Variants in OC90 observed in about 807,000 individuals in gnomAD.
OC90 encodes otoconin-90.
A neutral mutation model predicts 47.3 loss-of-function variants in OC90; 46 were observed. The observed-to-expected ratio is 0.97, with a 90% CI of 0.77 to 1.24. The LOEUF (loss-of-function observed/expected upper bound fraction) is 1.24, where lower values mean the gene tolerates loss of function less well. Among genes scored for constraint, OC90 ranks in the 50% most tolerant of loss-of-function variants. The pLI is 0.00. For missense variants in OC90, 688 were observed against 583.9 expected, an observed-to-expected ratio of 1.18 and a Z score of -1.84; for synonymous variants, 271 against 219.5, an observed-to-expected ratio of 1.23 and a Z score of -2.07.
At chr8:132,050,672 G>C (rs146704914) in intron 2 of OC90, among the ~76,000 whole-genome samples, 1,709 of 152,260 alleles carry the variant, frequency 0.011, 37 homozygotes, top group African/African-American at 0.04. Context: ...TGCCTGGCAA[G>C]ATGCTTCCAA....
At chr8:132,049,266 A>G (rs983972380) in intron 2 of OC90, among the ~76,000 whole-genome samples, 1 of 151,678 alleles carries the variant, frequency 6.6e-6, no homozygotes, top group Admixed American at 6.6e-5. Flanking sequence ...GTCTCCTACC[A>G]CTCCAGTACT....
At chr8:132,038,752 C>T (rs1297532689) in intron 8 of OC90, 38 bp downstream of exon 8, 1 of 1,577,642 alleles carries the variant, frequency 6.3e-7, no homozygotes, top group Admixed American at 1.7e-5. Context: ...CATCTGGGCC[C>T]TTGTGGTTCA....
At chr8:132,025,028 G>T (rs944815771) in intron 13 of OC90, among the ~76,000 whole-genome samples, 2 of 152,254 alleles carry the variant, frequency 1.3e-5, no homozygotes, top group South Asian at 2.1e-4. Flanking sequence ...CCTCCAGAAA[G>T]TTTGCCTGAG....
At chr8:132,032,511 T>C (rs1386345056) in intron 11 of OC90, among the ~76,000 whole-genome samples, 1 of 152,152 alleles carries the variant, frequency 6.6e-6, no homozygotes, top group African/African-American at 2.4e-5. Flanking sequence ...TCTATTTCTC[T>C]TCCTTCTATC....
chr8:132,043,402 G>T (rs145397865), intron 4 of OC90, among the ~76,000 whole-genome samples: 1 of 152,314 alleles, frequency 6.6e-6, no homozygotes, highest in East Asian at 1.9e-4. Context: ...CATGCCTAAG[G>T]CATCAACCAG....
At chr8:132,039,688 A>T (rs1823025390) in intron 6 of OC90, among the ~76,000 whole-genome samples, 1 of 151,610 alleles carries the variant, frequency 6.6e-6, no homozygotes, top group Non-Finnish European at 1.5e-5. Flanking sequence ...TCATCAACCC[A>T]TTTGTGTCTC....
intron 9 of OC90, 144 bp downstream of exon 9, chr8:132,037,294 T>C: frequency 1.4e-6 from 1 of 702,568 alleles, no homozygotes; most frequent in Non-Finnish European, 2.5e-6. Flanking sequence ...GGGGATGGAT[T>C]TCTCATGAAT....
chr8:132,056,477 T>C (rs1823281015), intron 1 of OC90, among the ~76,000 whole-genome samples: 1 of 152,130 alleles, frequency 6.6e-6, no homozygotes, highest in African/African-American at 2.4e-5. Context: ...AAGGGTAGAG[T>C]GTGAGTTCTT....
At chr8:132,054,899 G>C in intron 2 of OC90, 82 bp downstream of exon 2, 1 of 858,680 alleles carries the variant, frequency 1.2e-6, no homozygotes, top group Non-Finnish European at 1.8e-6. Context: ...AGATGGTGGG[G>C]GTGGGCCTGT....
intron 2 of OC90, among the ~76,000 whole-genome samples, chr8:132,050,702 A>G (rs140282290): frequency 1.3e-3 from 197 of 152,306 alleles, no homozygotes; most frequent in Admixed American, 3.1e-3. Context: ...GACTCAATGT[A>G]TACAATATAA....
At chr8:132,042,345 T>A (rs1040635115) in intron 4 of OC90, among the ~76,000 whole-genome samples, 6 of 152,192 alleles carry the variant, frequency 3.9e-5, no homozygotes, top group African/African-American at 9.7e-5. Flanking sequence ...CCACTTGAGA[T>A]AATGAAATGT....
rs902792151 is a variant in OC90, at chr8:132,038,941, C to A, written c.586+54G>T. On this transcript the variant is annotated intron_variant, in intron 7 of 13. Coordinates refer to ENST00000254627, the MANE Select transcript of OC90 (RefSeq NM_001080399.3). ...CATGAAGCAATAATTGATCCCAAAC[C>A]AGCTGCTGTCCAGATCCTCAGCCCC... The A allele has an allele frequency of 1.8e-5, 29 of 1,613,240 alleles. No individual in the cohort carries two copies. The African/African-American group carries it at 3.1e-4, about 17-fold the overall frequency.
chr8:132,048,398 A>AGCCCAGCCTAGTG (rs1235542321), intron 2 of OC90, among the ~76,000 whole-genome samples: 1,577 of 150,054 alleles, frequency 0.011, 69 homozygotes, highest in African/African-American at 0.038. Context: ...AACTGAGAGC[A>AGCCCAGCCTAGTG]ATTTGGGATG....
At chr8:132,042,580 T>A (rs1013300067) in intron 4 of OC90, among the ~76,000 whole-genome samples, 1 of 152,140 alleles carries the variant, frequency 6.6e-6, no homozygotes, top group African/African-American at 2.4e-5. Flanking sequence ...CGTCTTTATG[T>A]TCACGTGTAT....
chr8:132,033,643 GTTCC>G (rs1306739166), intron 10 of OC90, among the ~76,000 whole-genome samples: 1 of 152,194 alleles, frequency 6.6e-6, no homozygotes, highest in African/African-American at 2.4e-5. Flanking sequence ...TCCAGTGCAA[GTTCC>G]TTCCTGTGGT....
At position 132,033,125 on chromosome 8, in the gene OC90, A is replaced by G. The variant is rs61643278; in HGVS notation, c.773T>C (p.Ile258Thr). ...EIVATRVTAK[I>T]VTLVPAGIKS... ...AATGCCAGCAGGGACAAGGGTTACA[A>G]TTTTAGCTGTAACCCTTGTTGCAAC... is the stretch of plus-strand genomic sequence containing the variant. Residue 258 changes from isoleucine (I) to threonine (T), a missense_variant, in exon 11 of 14, where the codon ATT (isoleucine) becomes ACT (threonine). Physicochemically the swap from Ile to Thr is moderately conservative, Grantham distance 89 (BLOSUM62 -1). Coordinates refer to ENST00000254627, the MANE Select transcript of OC90 (RefSeq NM_001080399.3). The G allele has an allele frequency of 3.1e-3, 5,001 of 1,607,742 alleles. 122 individuals are homozygous for G. The African/African-American group carries it at 0.057, about 18-fold the overall frequency.
intron 4 of OC90, among the ~76,000 whole-genome samples, chr8:132,042,718 C>T (rs879408811): frequency 3.9e-5 from 6 of 152,158 alleles, no homozygotes; most frequent in African/African-American, 7.2e-5. Flanking sequence ...CACAACGAGA[C>T]ACCATCTCAC....
rs146585918 is a variant in OC90 at position 132,034,007 on chromosome 8, A to G, written c.733+774T>C. On this transcript the variant is annotated intron_variant, in intron 10 of 13. Transcript: ENST00000254627. Reference sequence around the variant, plus strand: ...CATCTACTTCCTCTTACTCAACTCCATTTCCTATGAGACTAAAGCCCTGTT... The same window carrying G: ...CATCTACTTCCTCTTACTCAACTCCGTTTCCTATGAGACTAAAGCCCTGTT... 2.3e-3 allele frequency among the ~76,000 whole-genome samples: 357 copies of G among 152,224 alleles called. 3 individuals are homozygous for G. The highest frequency in any genetic ancestry group is 8.1e-3 in the African/African-American group (336 of 41,532).
rs1454255993 is a variant in OC90 at position 132,045,815 on chromosome 8, T to C, written c.112+3A>G. ...TCCTAAGAAAAGTTCTAAGAATCCTTACTGATATTGTTTGGGAGTCCTGGA... is the reference window on the plus strand; with the variant it reads ...TCCTAAGAAAAGTTCTAAGAATCCTCACTGATATTGTTTGGGAGTCCTGGA... On this transcript the variant is annotated splice_donor_region_variant and intron_variant, in intron 3 of 13. Coordinates refer to ENST00000254627, the MANE Select transcript of OC90 (RefSeq NM_001080399.3). 1 of 1,516,172 alleles carries C rather than the reference T, an allele frequency of 6.6e-7. No homozygotes were observed. The highest frequency in any genetic ancestry group is 1.2e-5 in the South Asian group (1 of 83,352). 93.9% of individuals were successfully genotyped at this position (1,516,172 alleles called of 1,614,324 possible). A position where few individuals can be genotyped will look rare whatever the true frequency, so the allele number is the denominator to read the frequency against.
Sources: allele counts gnomAD v4.1 joint callset (sites outside exome capture counted in the v4.1 genomes callset), GRCh38; gene constraint gnomAD v4.1.1; transcripts MANE v1.5; gene names NCBI Gene and HGNC (gene_info 2026-07-23, HGNC 2026-07-21).